Variants in RABGAP1L observed in about 807,000 individuals in gnomAD.
RABGAP1L encodes RAB GTPase activating protein 1 like, also known as rab GTPase-activating protein 1-like.
Under a neutral mutation model 137.7 loss-of-function variants are expected in RABGAP1L, and 63 were observed. That is an observed-to-expected ratio of 0.46 (90% CI 0.37 to 0.56). The LOEUF is 0.56. RABGAP1L is among the 20% of genes least tolerant of loss of function. RABGAP1L has a pLI of 0.00. For missense variants in RABGAP1L, 1,095 were observed against 1,244.0 expected (o/e 0.88, Z 1.80); for synonymous variants, 431 against 433.7 (o/e 0.99, Z 0.08).
intron 13 of RABGAP1L, among the ~76,000 whole-genome samples, chr1:174,469,319 C>T (rs1657644973): frequency 6.6e-6 from 1 of 152,096 alleles, no homozygotes; most frequent in African/African-American, 2.4e-5. Context: ...TTTCTGATAA[C>T]AAGGCCACTA....
Position 174,607,066 on chromosome 1 carries a change from C to T in RABGAP1L, c.1711-30309C>T, listed in dbSNP as rs1283910315. ...TGTAGCAAATAAAAATACAAGACAC[C>T]CACTTACATTTTTGTTTCATATAAT... On this transcript the variant is annotated intron_variant, in intron 13 of 25. Transcript: ENST00000681986. 2.0e-5 allele frequency among the ~76,000 whole-genome samples: 3 copies of T among 151,964 alleles called. No homozygotes were observed. The East Asian group carries it at 5.8e-4, about 29-fold the overall frequency.
At chr1:174,963,075 G>T (rs1669309083) in intron 20 of RABGAP1L, among the ~76,000 whole-genome samples, 1 of 151,758 alleles carries the variant, frequency 6.6e-6, no homozygotes, top group South Asian at 2.1e-4. Context: ...CTCCTGCCTG[G>T]GTGACAGAGC....
rs56386624 is a variant in RABGAP1L, at chr1:174,807,974, A to AC, written c.2212-3858_2212-3857insC. On this transcript the variant is annotated intron_variant, in intron 18 of 25. Coordinates refer to ENST00000681986, the MANE Select transcript of RABGAP1L (RefSeq NM_001366446.1). Reference sequence around the variant, plus strand: ...AACAACAACAACAACAACAACAACAAATTCTTTTTTTTTTTTTTTTTTGAG... The same window carrying AC: ...AACAACAACAACAACAACAACAACAACATTCTTTTTTTTTTTTTTTTTTGAG... 1.3e-3 allele frequency among the ~76,000 whole-genome samples: 196 copies of AC among 149,148 alleles called. 1 individual carries two copies. The highest frequency in any genetic ancestry group is 2.1e-3 in the Non-Finnish European group (143 of 67,410).
At chr1:174,415,070 T>C (rs960706084) in intron 13 of RABGAP1L, among the ~76,000 whole-genome samples, 25 of 152,118 alleles carry the variant, frequency 1.6e-4, no homozygotes, top group Non-Finnish European at 4.4e-5. Flanking sequence ...CTGTAAAATC[T>C]TTTTAGACTT....
intron 5 of RABGAP1L, among the ~76,000 whole-genome samples, chr1:174,246,904 A>T (rs563166582): frequency 7.9e-5 from 12 of 152,236 alleles, no homozygotes; most frequent in Non-Finnish European, 1.8e-4. Context: ...TTCACAATAT[A>T]TTTTAACTCT....
At chr1:174,526,838 T>C (rs752478335) in intron 13 of RABGAP1L, among the ~76,000 whole-genome samples, 2 of 152,148 alleles carry the variant, frequency 1.3e-5, no homozygotes, top group Non-Finnish European at 2.9e-5. Context: ...TCTGCTCTTA[T>C]CTTTATTATT....
intron 14 of RABGAP1L, among the ~76,000 whole-genome samples, chr1:174,640,722 T>C (rs1674460988): frequency 6.6e-6 from 1 of 151,924 alleles, no homozygotes; most frequent in South Asian, 2.1e-4. Context: ...TTGCTTTTCC[T>C]TTACCAATCC....
chr1:174,739,440 G>A (rs1683210488), intron 17 of RABGAP1L, among the ~76,000 whole-genome samples: 2 of 152,164 alleles, frequency 1.3e-5, no homozygotes, highest in African/African-American at 4.8e-5. Flanking sequence ...GTGCAAATAG[G>A]AAAACTATGC....
At chr1:174,309,500 T>C (rs913483626) in intron 11 of RABGAP1L, among the ~76,000 whole-genome samples, 1 of 152,088 alleles carries the variant, frequency 6.6e-6, no homozygotes, top group African/African-American at 2.4e-5. Context: ...TTGACATATA[T>C]GGCCTTATTT....
intron 1 of RABGAP1L, among the ~76,000 whole-genome samples, chr1:174,163,121 G>A (rs1664642119): frequency 1.3e-5 from 2 of 152,098 alleles, no homozygotes; most frequent in African/African-American, 4.8e-5. Context: ...ACGGACTTGA[G>A]CCTGAGTTAT....
intron 13 of RABGAP1L, among the ~76,000 whole-genome samples, chr1:174,539,375 G>A (rs1269268037): frequency 2.6e-5 from 4 of 151,486 alleles, no homozygotes; most frequent in Admixed American, 6.6e-5. Flanking sequence ...CATGTGCCAC[G>A]TGGGTGTGCT....
intron 15 of RABGAP1L, among the ~76,000 whole-genome samples, chr1:174,687,089 A>G (rs1678532993): frequency 6.6e-6 from 1 of 152,148 alleles, no homozygotes; most frequent in Non-Finnish European, 1.5e-5. Flanking sequence ...GATTTGACAG[A>G]AGTTTGGGTC....
Position 174,673,348 on chromosome 1 carries a change from A to G in RABGAP1L, c.1825-10174A>G, listed in dbSNP as rs189633727. ...GAGTGATAATATCATTAGCAGAAAA[A>G]GTTAAAGGAGAACAATGGACCATAA... is the stretch of plus-strand genomic sequence containing the variant. On this transcript the variant is annotated intron_variant, in intron 14 of 25. Coordinates refer to ENST00000681986, the MANE Select transcript of RABGAP1L (RefSeq NM_001366446.1). Among the ~76,000 whole-genome samples, 202 of 152,286 alleles carry G rather than the reference A, an allele frequency of 1.3e-3. 1 individual carries two copies. The highest frequency in any genetic ancestry group is 4.6e-3 in the African/African-American group (190 of 41,570).
chr1:174,310,581 A>G (rs1166088328), intron 11 of RABGAP1L, among the ~76,000 whole-genome samples: 1 of 152,164 alleles, frequency 6.6e-6, no homozygotes, highest in Non-Finnish European at 1.5e-5. Context: ...ATATCTCTTC[A>G]GATCTATTAA....
chr1:174,174,850 G>A (rs1244590849), intron 1 of RABGAP1L, among the ~76,000 whole-genome samples: 2 of 152,048 alleles, frequency 1.3e-5, no homozygotes, highest in African/African-American at 4.8e-5. Context: ...AGGGTAGATC[G>A]TTCTTACTCA....
At chr1:174,196,849 A>G (rs979908282) in intron 1 of RABGAP1L, among the ~76,000 whole-genome samples, 1 of 152,016 alleles carries the variant, frequency 6.6e-6, no homozygotes, top group Non-Finnish European at 1.5e-5. Flanking sequence ...GAATTATGGT[A>G]TTTTTTTGGA....
chr1:174,352,168 C>G (rs868791428), intron 11 of RABGAP1L, among the ~76,000 whole-genome samples: 17 of 152,222 alleles, frequency 1.1e-4, no homozygotes, highest in South Asian at 2.1e-4. Context: ...CTCTCTCTCT[C>G]TGCCTCCTCT....
At chr1:174,659,384 C>T (rs1425788180) in intron 14 of RABGAP1L, among the ~76,000 whole-genome samples, 2 of 152,116 alleles carry the variant, frequency 1.3e-5, no homozygotes, top group Admixed American at 1.3e-4. Flanking sequence ...CAAATGTATT[C>T]CATATCATAA....
chr1:174,480,471 A>T (rs1436302088), intron 13 of RABGAP1L, among the ~76,000 whole-genome samples: 1 of 152,234 alleles, frequency 6.6e-6, no homozygotes, highest in Non-Finnish European at 1.5e-5. Context: ...AGCAAACTGC[A>T]GTGCAATCAA....
Sources: allele counts gnomAD v4.1 joint callset (sites outside exome capture counted in the v4.1 genomes callset), GRCh38; gene constraint gnomAD v4.1.1; transcripts MANE v1.5; gene names NCBI Gene and HGNC (gene_info 2026-07-23, HGNC 2026-07-21).